The following NUP205 variants were observed in gnomAD, a reference collection of about 807,000 sequenced individuals.
NUP205 encodes the protein nuclear pore complex protein Nup205.
Under a neutral mutation model 253.8 loss-of-function variants are expected in NUP205, and 76 were observed. That is an observed-to-expected ratio of 0.30 (90% CI 0.25 to 0.36). The LOEUF is 0.36. Among genes scored for constraint, NUP205 ranks in the 10% least tolerant of loss-of-function variants. The pLI is 1.00. For synonymous variants in NUP205, 832 were observed against 850.1 expected, an observed-to-expected ratio of 0.98 and a Z score of 0.37; for missense variants, 2,162 against 2,425.5, an observed-to-expected ratio of 0.89 and a Z score of 2.28.
rs551361131 is a variant in NUP205 at position 135,597,936 on chromosome 7, A to G, written c.2065-62A>G. 592 of 1,282,754 alleles carry G rather than the reference A, an allele frequency of 4.6e-4. 5 individuals are homozygous for G. In the African/African-American group the frequency reaches 7.6e-3, roughly 17 times the overall value. The allele number at this position is 1,282,754 out of a possible 1,614,324, so 79.5% of individuals were successfully genotyped here. On this transcript the variant is annotated intron_variant, in intron 14 of 42. Transcript: ENST00000285968. ...CTATTAATATGTTAATGTCTGCATAATACTCTTCACTTCATAGCTAATAGT... is the reference window on the plus strand; with the variant it reads ...CTATTAATATGTTAATGTCTGCATAGTACTCTTCACTTCATAGCTAATAGT...
intron 1 of NUP205, among the ~76,000 whole-genome samples, chr7:135,565,166 T>G (rs1004079628): frequency 6.6e-6 from 1 of 152,212 alleles, no homozygotes; most frequent in East Asian, 1.9e-4. Flanking sequence ...ACTAAATATG[T>G]ATAGTACAAG....
intron 24 of NUP205, 93 bp downstream of exon 24, chr7:135,616,158 C>A: frequency 9.1e-7 from 1 of 1,097,786 alleles, no homozygotes; most frequent in Admixed American, 2.7e-5. Flanking sequence ...TGACTATAGA[C>A]CAAAACTATC....
chr7:135,614,011 A>C, intron 22 of NUP205, 148 bp from the exon 23 acceptor site: 2 of 514,878 alleles, frequency 3.9e-6, no homozygotes, highest in East Asian at 6.5e-5. Context: ...CTCTGAGCTT[A>C]TGTTTTGTGC....
At chr7:135,603,586 T>G (rs1384672418) in intron 18 of NUP205, among the ~76,000 whole-genome samples, 1 of 151,650 alleles carries the variant, frequency 6.6e-6, no homozygotes, top group Admixed American at 6.6e-5. Context: ...CTTGGCTCAC[T>G]GCAACCTTCG....
Position 135,619,779 on chromosome 7 carries a change from A to G in NUP205, c.4232-11A>G, listed in dbSNP as rs116384712. ...AAAGATTTTCATTTGACATCTTCCT[A>G]ATCTCCCTAGGTGGTGGATTCCAAC... On this transcript the variant is annotated splice_polypyrimidine_tract_variant and intron_variant, in intron 29 of 42. Coordinates refer to ENST00000285968, the MANE Select transcript of NUP205 (RefSeq NM_015135.3). 6.2e-7 allele frequency: 1 copy of G among 1,601,234 alleles called. No individual in the cohort carries two copies. The highest frequency in any genetic ancestry group is 8.5e-7 in the Non-Finnish European group (1 of 1,174,154).
intron 36 of NUP205, 111 bp downstream of exon 36, chr7:135,635,768 C>G (rs1264764725): frequency 1.7e-6 from 1 of 589,828 alleles, no homozygotes; most frequent in Non-Finnish European, 3.0e-6. Context: ...TGTTTTGGTT[C>G]TTTAGTTTTT....
chr7:135,576,286 A>G lies in NUP205; in HGVS notation c.360A>G (p.Pro120=). Residue 120 remains proline (P), a synonymous_variant, in exon 4 of 43, where the codon CCA becomes CCG. Coordinates refer to ENST00000285968, the MANE Select transcript of NUP205 (RefSeq NM_015135.3). ...CTTTTTTAGGAGAGCATCAACAGCC[A>G]CATTTTCCTGGCCTTACCAGAGGAT... ...ELLLAGEHQQ[P]HFPGLTRGLV... The G allele has an allele frequency of 1.9e-6, 3 of 1,613,302 alleles. No individual in the cohort carries two copies. The highest frequency in any genetic ancestry group is 2.5e-6 in the Non-Finnish European group (3 of 1,179,640).
intron 3 of NUP205, among the ~76,000 whole-genome samples, chr7:135,574,980 A>G (rs1170559538): frequency 6.6e-6 from 1 of 152,234 alleles, no homozygotes. Context: ...TTCACTAGAC[A>G]TGCTTGAGTT....
At chr7:135,648,299 G>T in intron 42 of NUP205, 105 bp from the exon 43 acceptor site, 1 of 934,196 alleles carries the variant, frequency 1.1e-6, no homozygotes, top group Non-Finnish European at 1.5e-6. Flanking sequence ...TACATTGAAA[G>T]AACCACATTA....
At chr7:135,617,067 A>C (rs780982239) in intron 25 of NUP205, 23 bp from the exon 26 acceptor site, 18 of 1,572,026 alleles carry the variant, frequency 1.1e-5, no homozygotes, top group Non-Finnish European at 1.4e-5. Context: ...AAGTAAAATC[A>C]AATTACTTTT....
chr7:135,577,044 G>T lies in NUP205; in HGVS notation c.564G>T (p.Thr188=), dbSNP rs369098311. Residue 188 remains threonine (T), a synonymous_variant, in exon 5 of 43, where the codon ACG becomes ACT. Transcript: ENST00000285968. The part of the protein sequence containing the change: ...MEQGLTYKVL[T]LVSQIDVNNE... ...AAGGATTGACTTATAAAGTTCTTACGCTGGTGTCACAGATTGATGTGAATA... is the reference window on the plus strand; with the variant it reads ...AAGGATTGACTTATAAAGTTCTTACTCTGGTGTCACAGATTGATGTGAATA... 2 of 1,613,970 alleles carry T rather than the reference G, an allele frequency of 1.2e-6. No individual in the cohort carries two copies. The highest frequency in any genetic ancestry group is 2.2e-5 in the East Asian group (1 of 44,874).
chr7:135,579,579 A>G (rs1164036142), intron 7 of NUP205, among the ~76,000 whole-genome samples: 1 of 152,146 alleles, frequency 6.6e-6, no homozygotes, highest in Non-Finnish European at 1.5e-5. Context: ...CTAGTTTTTC[A>G]CATTGTGTCA....
At chr7:135,584,764 T>A (rs995521579) in intron 7 of NUP205, 68 bp from the exon 8 acceptor site, 10 of 1,286,356 alleles carry the variant, frequency 7.8e-6, no homozygotes, top group Non-Finnish European at 1.1e-5. Flanking sequence ...CAGAGTATTA[T>A]GAGATATAAT....
intron 12 of NUP205, among the ~76,000 whole-genome samples, 179 bp downstream of exon 12, chr7:135,593,371 T>C (rs1793743661): frequency 6.6e-6 from 1 of 152,182 alleles, no homozygotes; most frequent in African/African-American, 2.4e-5. Flanking sequence ...TAAGTTATGG[T>C]AGCCCTGCTC....
At chr7:135,607,003 T>C in intron 21 of NUP205, 88 bp downstream of exon 21, 1 of 1,363,682 alleles carries the variant, frequency 7.3e-7, no homozygotes. Context: ...CATGGGATAA[T>C]TCATTGAAAG....
chr7:135,637,104 A>G (rs1367220036), intron 36 of NUP205, among the ~76,000 whole-genome samples: 1 of 152,244 alleles, frequency 6.6e-6, no homozygotes. Flanking sequence ...TTTTTAAAAT[A>G]TATGTTTCAT....
chr7:135,620,420 C>A (rs1794450540), intron 30 of NUP205, among the ~76,000 whole-genome samples: 1 of 152,168 alleles, frequency 6.6e-6, no homozygotes, highest in Non-Finnish European at 1.5e-5. Context: ...GTAATCCCAG[C>A]TACTCAGGAG....
At chr7:135,558,214 G>A (rs1805485294) in intron 1 of NUP205, 4 of 565,626 alleles carry the variant, frequency 7.1e-6, no homozygotes, top group Admixed American at 3.0e-5. Context: ...GCTGGACCCA[G>A]GTGTGTAATC....
intron 41 of NUP205, chr7:135,645,944 G>A: frequency 1.7e-6 from 1 of 590,356 alleles, no homozygotes; most frequent in Non-Finnish European, 3.0e-6. Flanking sequence ...GGATCCCTTA[G>A]GTGGAAGGAA....
Sources: gnomAD v4.1 joint callset for allele counts (sites outside exome capture counted in the v4.1 genomes callset) on GRCh38, gnomAD v4.1.1 for gene constraint, MANE v1.5 for transcripts, NCBI Gene and HGNC (gene_info 2026-07-23, HGNC 2026-07-21) for gene names.